The following RAPGEF4 variants were observed in gnomAD, a reference collection of about 807,000 sequenced individuals.
RAPGEF4 encodes the protein RAP guanine-nucleotide-exchange factor (GEF) 4.
RAPGEF4 carries 66 observed loss-of-function variants against 147.9 expected under a neutral mutation model. That is an observed-to-expected ratio of 0.45 (90% CI 0.37 to 0.55). RAPGEF4 has a LOEUF of 0.55. Among genes scored for constraint, RAPGEF4 ranks in the 20% least tolerant of loss-of-function variants. The probability of loss-of-function intolerance (pLI) is 0.00; values close to 1 mark genes in which losing one functional copy is unlikely to be tolerated. For missense variants in RAPGEF4, 1,071 were observed against 1,257.3 expected (o/e 0.85, Z 2.24); for synonymous variants, 419 against 442.7 (o/e 0.95, Z 0.67).
chr2:172,993,934 G>A (rs959157193), intron 15 of RAPGEF4, among the ~76,000 whole-genome samples: 1 of 152,202 alleles, frequency 6.6e-6, no homozygotes, highest in Non-Finnish European at 1.5e-5. Context: ...GCTTAGAGAG[G>A]CCACTTTCTA....
At position 173,027,082 on chromosome 2, in the gene RAPGEF4, T is replaced by G; in HGVS notation, c.2381T>G (p.Leu794Arg). 2 of 1,580,158 alleles carry G rather than the reference T, an allele frequency of 1.3e-6. No homozygotes were observed. The change falls in exon 25 of 31, where the codon CTG (leucine) becomes CGG (arginine). Residue 794 changes from leucine to arginine, a missense_variant and splice_region_variant. Transcript: ENST00000397081. ...AAATTGTTTTCCTTTATTTTCTAGCTGGAGCTAATCTATCACACATTTGGA... is the reference window on the plus strand; with the variant it reads ...AAATTGTTTTCCTTTATTTTCTAGCGGGAGCTAATCTATCACACATTTGGA... Reference protein sequence around the residue: ...DWELFNCVHELELIYHTFGRH... With the variant: ...DWELFNCVHERELIYHTFGRH...
At chr2:172,802,425 C>T (rs1687073535) in intron 3 of RAPGEF4, among the ~76,000 whole-genome samples, 1 of 152,132 alleles carries the variant, frequency 6.6e-6, no homozygotes, top group Admixed American at 6.5e-5. Flanking sequence ...AGGGAAAATC[C>T]CATCTTTAAA....
At chr2:173,024,213 T>A (rs2105937922) in intron 23 of RAPGEF4, among the ~76,000 whole-genome samples, 1 of 45,228 alleles carries the variant, frequency 2.2e-5, no homozygotes, top group East Asian at 1.7e-3. Context: ...CTTCTTTTTT[T>A]TATTATTTTT....
intron 27 of RAPGEF4, among the ~76,000 whole-genome samples, chr2:173,035,691 A>T (rs563130659): frequency 2.0e-5 from 3 of 152,264 alleles, no homozygotes; most frequent in East Asian, 3.9e-4. Context: ...TTAACCACTA[A>T]TAGCCTACTG....
intron 4 of RAPGEF4, among the ~76,000 whole-genome samples, chr2:172,828,303 C>G (rs1559062767): frequency 6.6e-6 from 1 of 152,128 alleles, no homozygotes; most frequent in Non-Finnish European, 1.5e-5. Context: ...ATGTGACAGA[C>G]AGGAAGATGC....
intron 17 of RAPGEF4, among the ~76,000 whole-genome samples, chr2:173,008,025 G>A (rs1694657113): frequency 6.6e-6 from 1 of 151,436 alleles, no homozygotes; most frequent in Non-Finnish European, 1.5e-5. Context: ...TAATCCCCAT[G>A]TGTTGGGGGC....
At chr2:172,976,420 C>T (rs1419716050) in intron 10 of RAPGEF4, among the ~76,000 whole-genome samples, 1 of 152,122 alleles carries the variant, frequency 6.6e-6, no homozygotes, top group Non-Finnish European at 1.5e-5. Context: ...GAAGCGAGAT[C>T]TTAAGATCTT....
rs1688104126 is a variant in RAPGEF4, at chr2:172,950,460, T to C, written c.538-10300T>C. ...TTCCAATACTAATTTCATAAATTAT[T>C]ATTAAATTTCATAAAAATGGAGTGT... On this transcript the variant is annotated intron_variant, in intron 6 of 30. Transcript: ENST00000397081. 2.0e-5 allele frequency among the ~76,000 whole-genome samples: 3 copies of C among 152,250 alleles called. No homozygotes were observed. In the South Asian group the frequency reaches 6.2e-4, roughly 32 times the overall value.
chr2:172,753,971 A>G (rs896412857), intron 1 of RAPGEF4, among the ~76,000 whole-genome samples: 6 of 152,176 alleles, frequency 3.9e-5, no homozygotes, highest in African/African-American at 1.4e-4. Context: ...ATGTGTTGAC[A>G]TATCTTTATC....
intron 4 of RAPGEF4, among the ~76,000 whole-genome samples, chr2:172,848,472 C>A (rs1391588337): frequency 2.0e-5 from 3 of 152,128 alleles, no homozygotes; most frequent in African/African-American, 7.2e-5. Context: ...TGTAGAGGCT[C>A]ACATAATTCG....
intron 1 of RAPGEF4, among the ~76,000 whole-genome samples, chr2:172,736,861 C>A (rs143804295): frequency 4.0e-4 from 61 of 152,320 alleles, no homozygotes; most frequent in African/African-American, 1.4e-3. Flanking sequence ...CTTTTAAGAA[C>A]TGAGCAAGAA....
At chr2:172,877,528 T>TAAA (rs141097661) in intron 4 of RAPGEF4, among the ~76,000 whole-genome samples, 1 of 133,204 alleles carries the variant, frequency 7.5e-6, no homozygotes. Flanking sequence ...ACTTAAAGTA[T>TAAA]AAAAAAAAAA....
intron 1 of RAPGEF4, among the ~76,000 whole-genome samples, chr2:172,778,592 G>A (rs1357732243): frequency 6.6e-6 from 1 of 151,930 alleles, no homozygotes. Context: ...TTTCAATTTG[G>A]GCCTAGTTTA....
intron 4 of RAPGEF4, among the ~76,000 whole-genome samples, chr2:172,848,206 G>A (rs773422417): frequency 6.6e-6 from 1 of 151,994 alleles, no homozygotes; most frequent in African/African-American, 2.4e-5. Flanking sequence ...CACGCGCAGG[G>A]CACTTCTCCC....
intron 3 of RAPGEF4, among the ~76,000 whole-genome samples, chr2:172,799,546 T>G (rs1391259783): frequency 6.6e-6 from 1 of 152,208 alleles, no homozygotes; most frequent in Non-Finnish European, 1.5e-5. Flanking sequence ...GCTTTTTTGC[T>G]CAGAGCTGCT....
intron 15 of RAPGEF4, among the ~76,000 whole-genome samples, chr2:172,996,144 T>C (rs572465335): frequency 6.6e-6 from 1 of 152,336 alleles, no homozygotes; most frequent in South Asian, 2.1e-4. Context: ...GTTTTACATG[T>C]TCCTTTTTAT....
chr2:172,767,919 T>A (rs2009432), intron 1 of RAPGEF4, among the ~76,000 whole-genome samples: 10,012 of 152,220 alleles, frequency 0.066, 1,035 homozygotes, highest in East Asian at 0.54. Flanking sequence ...CTCGGCTGAC[T>A]GCAACCTCAG....
rs1686357803 is a variant in RAPGEF4 at position 173,052,693 on chromosome 2, G to A, written c.*926G>A. 6.6e-6 allele frequency: 1 copy of A among 152,450 alleles called. No homozygotes were observed. Among genetic ancestry groups the A allele is most frequent in the African/African-American group, 2.4e-5 (1 of 41,376 alleles). 9.4% of individuals were successfully genotyped at this position (152,450 alleles called of 1,614,324 possible). A position where few individuals can be genotyped will look rare whatever the true frequency, so the allele number is the denominator to read the frequency against. ...TTGTAAATAGTTCATTCAATCAATG[G>A]TATGGAGTTATTTATTTGCTACATA... is the stretch of plus-strand genomic sequence containing the variant. On this transcript the variant is annotated 3_prime_UTR_variant, in exon 31 of 31. Transcript: ENST00000397081.
At chr2:172,823,106 C>T (rs565928377) in intron 4 of RAPGEF4, among the ~76,000 whole-genome samples, 6 of 152,272 alleles carry the variant, frequency 3.9e-5, no homozygotes, top group African/African-American at 4.8e-5. Context: ...AGAAGAGATC[C>T]GTTTCCACCA....
Sources: allele counts gnomAD v4.1 joint callset (sites outside exome capture counted in the v4.1 genomes callset), GRCh38; gene constraint gnomAD v4.1.1; transcripts MANE v1.5; gene names NCBI Gene and HGNC (gene_info 2026-07-23, HGNC 2026-07-21).